PAX5: variants seen among roughly 807,000 people sequenced by gnomAD.
PAX5 encodes the protein paired box 5, also known as paired box protein Pax-5.
PAX5 carries 9 observed loss-of-function variants against 43.7 expected under a neutral mutation model. The observed-to-expected ratio is 0.21, with a 90% confidence interval of 0.12 to 0.36. PAX5 has a LOEUF of 0.36. PAX5 is among the 10% of genes least tolerant of loss of function. The pLI, the probability that PAX5 is intolerant of heterozygous loss-of-function variation, is 1.00. For missense variants in PAX5, 383 were observed against 532.7 expected, an observed-to-expected ratio of 0.72 and a Z score of 2.77; for synonymous variants, 228 against 214.3, an observed-to-expected ratio of 1.06 and a Z score of -0.56.
At chr9:37,031,811 C>T (rs1053341387) in intron 1 of PAX5, among the ~76,000 whole-genome samples, 1 of 152,162 alleles carries the variant, frequency 6.6e-6, no homozygotes, top group African/African-American at 2.4e-5. Flanking sequence ...CACACTCCCT[C>T]CCCATTGGGC....
chr9:36,867,748 T>G (rs1029359593), intron 8 of PAX5, among the ~76,000 whole-genome samples: 3 of 152,088 alleles, frequency 2.0e-5, no homozygotes, highest in Non-Finnish European at 2.9e-5. Context: ...TCTCTTCCTT[T>G]CTTTCTTTCT....
At chr9:36,910,618 G>A (rs1829190675) in intron 7 of PAX5, among the ~76,000 whole-genome samples, 1 of 152,230 alleles carries the variant, frequency 6.6e-6, no homozygotes, top group Non-Finnish European at 1.5e-5. Flanking sequence ...TGAGTTCAAA[G>A]CATAGATGCC....
intron 5 of PAX5, among the ~76,000 whole-genome samples, chr9:36,989,455 A>G (rs72735664): frequency 1.3e-5 from 2 of 151,518 alleles, no homozygotes; most frequent in African/African-American, 2.4e-5. Context: ...CACCTGGTAC[A>G]GTGGTTGTGA....
chr9:36,855,346 C>T (rs187943185), intron 8 of PAX5, among the ~76,000 whole-genome samples: 29 of 152,358 alleles, frequency 1.9e-4, no homozygotes, highest in African/African-American at 6.3e-4. Flanking sequence ...TGTAACCTGC[C>T]TGGCCCCTGC....
At chr9:36,969,470 G>A (rs1834749127) in intron 5 of PAX5, among the ~76,000 whole-genome samples, 2 of 152,234 alleles carry the variant, frequency 1.3e-5, no homozygotes, top group African/African-American at 4.8e-5. Context: ...TGGTCACCCA[G>A]TAGAGCCCAG....
At chr9:36,936,875 C>A (rs1230692488) in intron 6 of PAX5, among the ~76,000 whole-genome samples, 2 of 149,696 alleles carry the variant, frequency 1.3e-5, no homozygotes, top group African/African-American at 4.9e-5. Context: ...CACACACACT[C>A]CTCAGGCCAA....
chr9:36,977,917 G>A (rs16933816), intron 5 of PAX5, among the ~76,000 whole-genome samples: 2,549 of 152,318 alleles, frequency 0.017, 66 homozygotes, highest in African/African-American at 0.059. Context: ...GCAGGGGAAC[G>A]GCTATAATTC....
In PAX5 at chr9:36,993,822, G is replaced by A. The variant is rs572957673; in HGVS notation, c.604+8826C>T. On this transcript the variant is annotated intron_variant, in intron 5 of 9. Coordinates refer to ENST00000358127, the MANE Select transcript of PAX5 (RefSeq NM_016734.3). ...GGCCCCACCACTCTTTTACTGGTTG[G>A]CCCCCAAACTGATTCCCTGAACTGA... 3.5e-3 allele frequency among the ~76,000 whole-genome samples: 525 copies of A among 152,136 alleles called. 6 individuals carry two copies. The highest frequency in any genetic ancestry group is 6.8e-3 in the Middle Eastern group (2 of 294).
At chr9:36,971,173 A>T (rs1387808471) in intron 5 of PAX5, among the ~76,000 whole-genome samples, 2 of 152,186 alleles carry the variant, frequency 1.3e-5, no homozygotes, top group Non-Finnish European at 2.9e-5. Flanking sequence ...GGAGGTGGCA[A>T]ACAGTAACTG....
At chr9:36,945,416 A>AT (rs1832407295) in intron 6 of PAX5, among the ~76,000 whole-genome samples, 2 of 151,926 alleles carry the variant, frequency 1.3e-5, no homozygotes, top group Non-Finnish European at 2.9e-5. Context: ...TAATTTTTCA[A>AT]TTTTTTGTAG....
intron 5 of PAX5, among the ~76,000 whole-genome samples, chr9:36,979,632 C>T (rs7020975): frequency 0.014 from 2,083 of 152,212 alleles, 41 homozygotes; most frequent in African/African-American, 0.046. Flanking sequence ...GGCTCAGAGA[C>T]GGAAAGTGGC....
At chr9:36,935,540 G>T (rs1831480708) in intron 6 of PAX5, among the ~76,000 whole-genome samples, 2 of 152,184 alleles carry the variant, frequency 1.3e-5, no homozygotes, top group African/African-American at 4.8e-5. Context: ...GTGGTGGTGG[G>T]TACCAGCAGG....
chr9:36,929,415 C>T (rs1020710192), intron 6 of PAX5, among the ~76,000 whole-genome samples: 4 of 152,154 alleles, frequency 2.6e-5, no homozygotes, highest in African/African-American at 7.2e-5. Flanking sequence ...GGCTGAGTGG[C>T]GGGGTGCAGA....
At position 36,833,620 on chromosome 9, in the gene PAX5, A is replaced by T. The variant is rs1587702714; in HGVS notation, c.*6940T>A. The stretch of plus-strand genomic sequence containing the variant: ...CTCCCCAAAAAAGAAAAATATGTCC[A>T]ACATCTTTGGCAAATTGGCACTGCT... On this transcript the variant is annotated 3_prime_UTR_variant, in exon 10 of 10. Transcript: ENST00000358127. The T allele has an allele frequency of 2.6e-5, 6 of 233,014 alleles. No individual in the cohort carries two copies. The East Asian group carries it at 3.6e-4, about 14-fold the overall frequency. The allele number at this position is 233,014 out of a possible 1,614,324, so 14.4% of individuals were successfully genotyped here.
chr9:36,897,480 G>C (rs982832045), intron 7 of PAX5, among the ~76,000 whole-genome samples: 1 of 151,734 alleles, frequency 6.6e-6, no homozygotes, highest in African/African-American at 2.4e-5. Context: ...CTGAATAAAG[G>C]TTTCTTCAAA....
At chr9:36,878,211 G>T (rs2131740061) in intron 8 of PAX5, among the ~76,000 whole-genome samples, 1 of 152,320 alleles carries the variant, frequency 6.6e-6, no homozygotes, top group Admixed American at 6.5e-5. Context: ...GGGGAGATTT[G>T]TTACAGTAGC....
intron 5 of PAX5, among the ~76,000 whole-genome samples, chr9:36,992,124 AC>A (rs35269388): frequency 9.6e-6 from 1 of 104,276 alleles, no homozygotes; most frequent in African/African-American, 3.6e-5. Flanking sequence ...CCTCGCCCCC[AC>A]CCCCCAACCC....
intron 1 of PAX5, among the ~76,000 whole-genome samples, chr9:37,030,854 A>G (rs1308352310): frequency 6.6e-6 from 1 of 152,152 alleles, no homozygotes; most frequent in Non-Finnish European, 1.5e-5. Flanking sequence ...AGTCCAGCCC[A>G]TTTCCCTGTT....
Position 36,950,109 on chromosome 9 carries a change from A to G in PAX5, c.780+16440T>C, listed in dbSNP as rs577129923. On this transcript the variant is annotated intron_variant, in intron 6 of 9. Coordinates refer to ENST00000358127, the MANE Select transcript of PAX5 (RefSeq NM_016734.3). ...GCTTGTTTGTCATAATCTTCCTTGC[A>G]TGCTCTCATCCTGATGAGCCGGCTC... 2.0e-4 allele frequency among the ~76,000 whole-genome samples: 31 copies of G among 152,298 alleles called. 1 individual carries two copies. The South Asian group carries it at 6.2e-3, about 31-fold the overall frequency.
Sources: allele counts gnomAD v4.1 joint callset (sites outside exome capture counted in the v4.1 genomes callset), GRCh38; gene constraint gnomAD v4.1.1; transcripts MANE v1.5; gene names NCBI Gene and HGNC (gene_info 2026-07-23, HGNC 2026-07-21).